The following PUM2 variants were observed in gnomAD, a reference collection of about 807,000 sequenced individuals.
PUM2 encodes pumilio RNA binding family member 2.
Under a neutral mutation model 124.5 loss-of-function variants are expected in PUM2, and 57 were observed. That is an observed-to-expected ratio of 0.46 (90% confidence interval 0.37 to 0.57). The LOEUF is 0.57. PUM2 is among the 20% of genes least tolerant of loss of function. The pLI is 0.00. For missense variants in PUM2, 1,065 were observed against 1,290.6 expected (o/e 0.83, Z 2.68); for synonymous variants, 460 against 446.1 (o/e 1.03, Z -0.39).
intron 2 of PUM2, among the ~76,000 whole-genome samples, chr2:20,323,298 A>T (rs1229808692): frequency 1.3e-5 from 2 of 152,032 alleles, no homozygotes; most frequent in African/African-American, 4.8e-5. Context: ...AATACAAAAA[A>T]TTAGCCAGGC....
intron 2 of PUM2, among the ~76,000 whole-genome samples, chr2:20,322,925 C>T (rs10173098): frequency 0.035 from 5,289 of 152,276 alleles, 91 homozygotes; most frequent in Middle Eastern, 0.068. Flanking sequence ...TTAATCTTTT[C>T]TGTTAATGAA....
chr2:20,285,713 A>C (rs1672566532), intron 10 of PUM2, among the ~76,000 whole-genome samples: 1 of 152,190 alleles, frequency 6.6e-6, no homozygotes, highest in South Asian at 2.1e-4. Flanking sequence ...AGCAGGGAAA[A>C]ATAAGGAAAA....
intron 1 of PUM2, among the ~76,000 whole-genome samples, chr2:20,337,315 T>C (rs1468760497): frequency 2.0e-5 from 3 of 152,126 alleles, no homozygotes; most frequent in Admixed American, 6.6e-5. Context: ...ATTGGGTTTG[T>C]TTTTTGTAAG....
chr2:20,330,751 C>T lies in PUM2; in HGVS notation c.-18-3373G>A, dbSNP rs1000690147. The stretch of plus-strand genomic sequence containing the variant: ...TTGACCAAAGAAGGTCAGAGGAACA[C>T]CTGATTTACAGCTGGTCAGTGAGAA... On this transcript the variant is annotated intron_variant, in intron 1 of 20. Coordinates refer to ENST00000361078, the MANE Select transcript of PUM2 (RefSeq NM_015317.5). 3.9e-5 allele frequency among the ~76,000 whole-genome samples: 6 copies of T among 152,322 alleles called. No individual in the cohort carries two copies. In the East Asian group the frequency reaches 1.2e-3, roughly 29 times the overall value.
intron 20 of PUM2, among the ~76,000 whole-genome samples, chr2:20,252,504 T>C (rs1046815996): frequency 7.2e-5 from 11 of 152,214 alleles, no homozygotes; most frequent in African/African-American, 2.2e-4. Context: ...TCCTAAGATA[T>C]CATTTTTCTC....
chr2:20,316,764 G>A (rs939031410), intron 3 of PUM2, among the ~76,000 whole-genome samples: 2 of 152,070 alleles, frequency 1.3e-5, no homozygotes, highest in African/African-American at 4.8e-5. Context: ...CAGGCATGGT[G>A]GCTCATGCCC....
At chr2:20,279,149 T>C (rs1670926572) in intron 12 of PUM2, among the ~76,000 whole-genome samples, 1 of 152,196 alleles carries the variant, frequency 6.6e-6, no homozygotes, top group African/African-American at 2.4e-5. Context: ...CATTAGGACA[T>C]GCTAGAGATT....
At chr2:20,350,339 C>A (rs1689078604) in intron 1 of PUM2, 13 of 485,932 alleles carry the variant, frequency 2.7e-5, no homozygotes, top group Non-Finnish European at 3.5e-5. Flanking sequence ...GCCCCCGAGG[C>A]GGCGGCCCCG....
intron 13 of PUM2, among the ~76,000 whole-genome samples, chr2:20,278,335 A>G: frequency 6.6e-6 from 1 of 152,122 alleles, no homozygotes; most frequent in East Asian, 1.9e-4. Context: ...CAGACAAGAA[A>G]AAACACACCA....
At chr2:20,338,946 T>G (rs1355690339) in intron 1 of PUM2, among the ~76,000 whole-genome samples, 2 of 152,206 alleles carry the variant, frequency 1.3e-5, no homozygotes, top group African/African-American at 2.4e-5. Context: ...ACACACTAGT[T>G]GTATCTTTAG....
At chr2:20,275,685 T>A (rs10856797) in intron 13 of PUM2, among the ~76,000 whole-genome samples, 2 of 151,664 alleles carry the variant, frequency 1.3e-5, no homozygotes, top group Non-Finnish European at 2.9e-5. Flanking sequence ...AACCCATAAA[T>A]TATCTGACCA....
chr2:20,256,076 T>C lies in PUM2; in HGVS notation c.2579A>G (p.Gln860Arg). 4 of 1,600,622 alleles carry C rather than the reference T, an allele frequency of 2.5e-6. No individual in the cohort carries two copies. The highest frequency in any genetic ancestry group is 3.4e-6 in the Non-Finnish European group (4 of 1,175,386). ...HVVQKCIECV[Q>R]PQSLQFIIDA... is the part of the protein sequence containing the mutation. ...AATGATGAACTGTAGTGACTGTGGC[T>C]GAACACATTCGATACATTTTTGTAC... Residue 860 changes from glutamine to arginine, a missense_variant, in exon 17 of 21, where the codon CAG (glutamine) becomes CGG (arginine). By Grantham distance (43) the Gln-to-Arg change is conservative. Transcript: ENST00000361078.
intron 3 of PUM2, among the ~76,000 whole-genome samples, chr2:20,316,852 G>T (rs560364124): frequency 6.6e-6 from 1 of 152,128 alleles, no homozygotes; most frequent in Non-Finnish European, 1.5e-5. Flanking sequence ...CTAACATGGC[G>T]AAACTCCATC....
At chr2:20,258,585 T>G (rs942245217) in intron 15 of PUM2, among the ~76,000 whole-genome samples, 1 of 150,878 alleles carries the variant, frequency 6.6e-6, no homozygotes, top group African/African-American at 2.4e-5. Flanking sequence ...TCCTTGTTAC[T>G]AATATGTTAA....
intron 1 of PUM2, among the ~76,000 whole-genome samples, chr2:20,344,340 G>A (rs537916136): frequency 2.6e-5 from 4 of 152,280 alleles, no homozygotes; most frequent in South Asian, 4.2e-4. Flanking sequence ...AGCGTTAGGC[G>A]CCCAGCCTCA....
intron 13 of PUM2, among the ~76,000 whole-genome samples, chr2:20,275,331 G>A (rs1669999149): frequency 6.6e-6 from 1 of 151,744 alleles, no homozygotes; most frequent in South Asian, 2.1e-4. Flanking sequence ...ATAAAAACAC[G>A]AGTCACCTTT....
intron 13 of PUM2, among the ~76,000 whole-genome samples, chr2:20,268,403 A>G (rs1019577010): frequency 5.9e-5 from 9 of 152,116 alleles, no homozygotes; most frequent in African/African-American, 9.7e-5. Context: ...CTTGAGGTTA[A>G]GAGTTCAAGA....
chr2:20,338,867 C>T (rs977967574), intron 1 of PUM2, among the ~76,000 whole-genome samples: 1 of 152,118 alleles, frequency 6.6e-6, no homozygotes, highest in Admixed American at 6.5e-5. Flanking sequence ...ATAGTGGTCG[C>T]ACCTAGAAAA....
chr2:20,253,558 T>C (rs1017201447), intron 20 of PUM2, among the ~76,000 whole-genome samples: 6 of 151,774 alleles, frequency 4.0e-5, no homozygotes, highest in African/African-American at 1.5e-4. Flanking sequence ...TTGCTCAGGC[T>C]GGTCTCAAAC....
Sources: allele counts gnomAD v4.1 joint callset (sites outside exome capture counted in the v4.1 genomes callset), GRCh38; gene constraint gnomAD v4.1.1; transcripts MANE v1.5; gene names NCBI Gene and HGNC (gene_info 2026-07-23, HGNC 2026-07-21).